FAT3: variants seen among roughly 807,000 people sequenced by gnomAD.
The protein encoded by FAT3 is protocadherin Fat 3.
A neutral mutation model predicts 310.2 loss-of-function variants in FAT3; 95 were observed. The observed-to-expected ratio is 0.31, with a 90% CI of 0.26 to 0.36. FAT3 has a LOEUF of 0.36. Among genes scored for constraint, FAT3 ranks in the 10% least tolerant of loss-of-function variants. The pLI is 1.00. For synonymous variants in FAT3, 2,314 were observed against 2,192.9 expected, an observed-to-expected ratio of 1.06 and a Z score of -1.54; for missense variants, 5,408 against 5,715.6, an observed-to-expected ratio of 0.95 and a Z score of 1.74.
chr11:92,794,133 G>C (rs1361889603), intron 9 of FAT3, among the ~76,000 whole-genome samples: 6 of 151,950 alleles, frequency 3.9e-5, no homozygotes, highest in African/African-American at 1.5e-4. Context: ...TCAATCTAAA[G>C]CCTGACCAGT....
chr11:92,506,676 C>T (rs192598862), intron 2 of FAT3, among the ~76,000 whole-genome samples: 13 of 152,220 alleles, frequency 8.5e-5, no homozygotes, highest in African/African-American at 2.9e-4. Context: ...TTATCTGCTT[C>T]ACATTATGAG....
At chr11:92,771,766 A>G (rs1946462721) in intron 6 of FAT3, among the ~76,000 whole-genome samples, 1 of 152,004 alleles carries the variant, frequency 6.6e-6, no homozygotes, top group Non-Finnish European at 1.5e-5. Flanking sequence ...GAACTGTAAA[A>G]AAAAAAAAAA....
intron 3 of FAT3, among the ~76,000 whole-genome samples, chr11:92,676,024 A>G (rs1943278613): frequency 6.6e-6 from 1 of 152,154 alleles, no homozygotes; most frequent in Non-Finnish European, 1.5e-5. Flanking sequence ...CCAACATCTA[A>G]TAATAGGAGA....
At chr11:92,362,358 G>A (rs1948903077) in intron 2 of FAT3, among the ~76,000 whole-genome samples, 1 of 152,214 alleles carries the variant, frequency 6.6e-6, no homozygotes, top group African/African-American at 2.4e-5. Flanking sequence ...CGTGTTCAGA[G>A]TTGGGCTAAC....
At chr11:92,256,274 C>T (rs529800281) in intron 1 of FAT3, among the ~76,000 whole-genome samples, 114 of 151,580 alleles carry the variant, frequency 7.5e-4, no homozygotes, top group Admixed American at 2.5e-3. Flanking sequence ...CGCCCTTAAA[C>T]GAGTATACAC....
At chr11:92,492,137 G>C in intron 2 of FAT3, among the ~76,000 whole-genome samples, 1 of 152,158 alleles carries the variant, frequency 6.6e-6, no homozygotes, top group East Asian at 1.9e-4. Context: ...AATTATATAT[G>C]TACTCCTATT....
intron 24 of FAT3, chr11:92,886,799 C>T (rs1456630781): frequency 1.3e-5 from 7 of 558,028 alleles, no homozygotes; most frequent in East Asian, 3.0e-5. Flanking sequence ...CTAAGGGTTT[C>T]GAATCCATAA....
intron 2 of FAT3, among the ~76,000 whole-genome samples, chr11:92,475,434 T>C (rs903264594): frequency 6.6e-6 from 1 of 151,992 alleles, no homozygotes; most frequent in African/African-American, 2.4e-5. Flanking sequence ...TTTTTTTCAT[T>C]GTGGGATCCT....
intron 6 of FAT3, among the ~76,000 whole-genome samples, chr11:92,771,733 A>G (rs1946461104): frequency 6.6e-6 from 1 of 151,522 alleles, no homozygotes; most frequent in South Asian, 2.1e-4. Context: ...AAATACATAT[A>G]TGAACACACA....
chr11:92,464,028 TCACGAGTGTGTGCCAGC>T (rs1407480100), intron 2 of FAT3, among the ~76,000 whole-genome samples: 1 of 152,188 alleles, frequency 6.6e-6, no homozygotes, highest in African/African-American at 2.4e-5. Flanking sequence ...GCTTCTGGTC[TCACGAGTGTGTGCCAGC>T]CATGGTGTCA....
chr11:92,489,594 CA>C (rs997963138), intron 2 of FAT3, among the ~76,000 whole-genome samples: 2 of 151,472 alleles, frequency 1.3e-5, no homozygotes, highest in Non-Finnish European at 3.0e-5. Flanking sequence ...TAAAAAAGTA[CA>C]AAAAAAAGCA....
chr11:92,686,997 T>C (rs994477533), intron 3 of FAT3, among the ~76,000 whole-genome samples: 1 of 152,174 alleles, frequency 6.6e-6, no homozygotes, highest in African/African-American at 2.4e-5. Context: ...AAAAAGAAAC[T>C]TCAACTTTTA....
chr11:92,242,197 G>C (rs1468141099), intron 1 of FAT3, among the ~76,000 whole-genome samples: 1 of 152,006 alleles, frequency 6.6e-6, no homozygotes, highest in Non-Finnish European at 1.5e-5. Context: ...CTGGATTAAG[G>C]TATCGAATCA....
At chr11:92,256,179 A>G (rs1488600914) in intron 1 of FAT3, among the ~76,000 whole-genome samples, 1 of 152,016 alleles carries the variant, frequency 6.6e-6, no homozygotes, top group Non-Finnish European at 1.5e-5. Context: ...TCTTTGATTT[A>G]GGATCTATCT....
intron 3 of FAT3, among the ~76,000 whole-genome samples, chr11:92,641,950 A>G (rs956898430): frequency 2.0e-5 from 3 of 152,256 alleles, no homozygotes; most frequent in African/African-American, 7.2e-5. Flanking sequence ...TCTCTGCAAC[A>G]TGAGGTTGAA....
intron 3 of FAT3, 104 bp downstream of exon 3, chr11:92,525,052 C>A: frequency 4.2e-6 from 4 of 959,344 alleles, no homozygotes; most frequent in South Asian, 1.7e-5. Context: ...TAAAGAATAG[C>A]ATCTTCCTTT....
chr11:92,374,689 G>C (rs1224715849), intron 2 of FAT3, among the ~76,000 whole-genome samples: 1 of 152,166 alleles, frequency 6.6e-6, no homozygotes, highest in Non-Finnish European at 1.5e-5. Context: ...AAAAGTCGTG[G>C]TGTAAATGGA....
At chr11:92,445,740 T>C (rs1443961295) in intron 2 of FAT3, among the ~76,000 whole-genome samples, 3 of 152,124 alleles carry the variant, frequency 2.0e-5, no homozygotes, top group Non-Finnish European at 4.4e-5. Context: ...CTGTTCATTT[T>C]TGGGGGGGTG....
intron 1 of FAT3, among the ~76,000 whole-genome samples, chr11:92,303,436 G>C (rs1158933596): frequency 6.6e-6 from 1 of 152,032 alleles, no homozygotes; most frequent in East Asian, 1.9e-4. Flanking sequence ...AGAAGGTTCA[G>C]ATCAGAAAAC....
Sources: gnomAD v4.1 joint callset for allele counts (sites outside exome capture counted in the v4.1 genomes callset) on GRCh38, gnomAD v4.1.1 for gene constraint, MANE v1.5 for transcripts, NCBI Gene and HGNC (gene_info 2026-07-23, HGNC 2026-07-21) for gene names.